OR2AT4: variants seen among roughly 807,000 people sequenced by gnomAD.
OR2AT4 encodes the protein olfactory receptor 2AT4.
OR2AT4 carries 6 observed loss-of-function variants against 10.3 expected under a neutral mutation model. That is an observed-to-expected ratio of 0.58 (90% CI 0.32 to 1.15). OR2AT4 has a LOEUF of 1.15. Among genes scored for constraint, OR2AT4 ranks in the 50% most tolerant of loss-of-function variants. OR2AT4 has a pLI of 0.05. For missense variants in OR2AT4, 354 were observed against 393.8 expected (o/e 0.90, Z 0.85); for synonymous variants, 145 against 159.1 (o/e 0.91, Z 0.67).
At chr11:75,085,458 C>G (rs1949285308) in exon 2 of OR2AT4, 1 of 151,978 alleles carries the variant, frequency 6.6e-6, no homozygotes, top group Non-Finnish European at 1.5e-5. Flanking sequence ...CAATTCTATA[C>G]AATGTTTTTG....
intron 1 of OR2AT4, among the ~76,000 whole-genome samples, chr11:75,090,727 T>C (rs1949317180): frequency 6.6e-6 from 1 of 152,214 alleles, no homozygotes; most frequent in African/African-American, 2.4e-5. Flanking sequence ...CTGTGGGACA[T>C]CTTCTGAATT....
intron 1 of OR2AT4, among the ~76,000 whole-genome samples, 176 bp downstream of exon 1, chr11:75,096,652 G>A (rs567712025): frequency 2.4e-4 from 37 of 152,208 alleles, no homozygotes; most frequent in African/African-American, 7.9e-4. Flanking sequence ...CCCTGCCTGC[G>A]AGGGTGTCTG....
Position 75,089,626 on chromosome 11 carries a change from G to A in OR2AT4, c.88C>T (p.Leu30Phe), listed in dbSNP as rs1565514295. 6.2e-7 allele frequency: 1 copy of A among 1,614,096 alleles called. No homozygotes were observed. Among genetic ancestry groups the A allele is most frequent in the Non-Finnish European group, 8.5e-7 (1 of 1,179,988 alleles). ...AGGAGGAAAATAAAAAACACAGGGA[G>A]GAAGAAGGTCTCTGGCAGAGAGGGG... Residue 30 changes from leucine (L) to phenylalanine (F), a missense_variant, in exon 2 of 2, where the codon CTC becomes TTC. Leu to Phe is a conservative substitution (Grantham distance 22). Coordinates refer to ENST00000641504, the Ensembl canonical transcript of OR2AT4.
At chr11:75,087,427 T>C (rs890963456) in exon 2 of OR2AT4, 1 of 152,184 alleles carries the variant, frequency 6.6e-6, no homozygotes, top group Non-Finnish European at 1.5e-5. Flanking sequence ...TTCATGTTTT[T>C]AAAACTACTC....
At chr11:75,086,758 A>G (rs1056006131) in exon 2 of OR2AT4, 4 of 152,212 alleles carry the variant, frequency 2.6e-5, no homozygotes, top group Admixed American at 2.6e-4. Flanking sequence ...TTGGTGTAGT[A>G]CATTCTATGA....
At chr11:75,086,769 G>T (rs1455245858) in exon 2 of OR2AT4, 2 of 152,156 alleles carry the variant, frequency 1.3e-5, no homozygotes, top group African/African-American at 2.4e-5. Flanking sequence ...CATTCTATGA[G>T]TCTTGACAAA....
exon 2 of OR2AT4, chr11:75,089,026 C>T (rs1398523434): frequency 6.2e-7 from 1 of 1,614,000 alleles, no homozygotes; most frequent in African/African-American, 1.3e-5. Flanking sequence ...ATGCGAAGCA[C>T]TGAGGCCAGG....
At chr11:75,087,825 T>C (rs1949297641) in exon 2 of OR2AT4, 1 of 152,244 alleles carries the variant, frequency 6.6e-6, no homozygotes, top group African/African-American at 2.4e-5. Flanking sequence ...CTTTGAACTA[T>C]GTAAAAATAA....
At chr11:75,091,240 T>C (rs1242957204) in intron 1 of OR2AT4, among the ~76,000 whole-genome samples, 6 of 152,194 alleles carry the variant, frequency 3.9e-5, no homozygotes, top group Non-Finnish European at 8.8e-5. Flanking sequence ...GTGAATCTAA[T>C]ATAAATAATA....
chr11:75,083,741 G>C (rs1423625101), exon 2 of OR2AT4: 1 of 152,220 alleles, frequency 6.6e-6, no homozygotes, highest in Admixed American at 6.5e-5. Flanking sequence ...GGAGGCCGAG[G>C]CTGGTGGATC....
exon 2 of OR2AT4, chr11:75,083,995 G>T (rs545732841): frequency 1.4e-4 from 21 of 152,486 alleles, no homozygotes; most frequent in African/African-American, 4.3e-4. Flanking sequence ...AAAAAAAAAG[G>T]AGAAAATTGG....
At chr11:75,093,810 C>CTTTTTTTTTTTTTTTTTTTTTT (rs556380402) in intron 1 of OR2AT4, among the ~76,000 whole-genome samples, 6 of 61,828 alleles carry the variant, frequency 9.7e-5, no homozygotes, top group Non-Finnish European at 1.4e-4. Context: ...TTTTCTTTTT[C>CTTTTTTTTTTTTTTTTTTTTTT]TTTTTTTTTT....
rs759038976 is a variant in OR2AT4, at chr11:75,089,514, A to AAGAAGTAC, written c.192_199dup (p.Phe67CysfsTer5). The AAGAAGTAC allele has an allele frequency of 1.2e-6, 2 of 1,614,204 alleles. No individual in the cohort carries two copies. The highest frequency in any genetic ancestry group is 3.3e-5 in the Admixed American group (2 of 60,032). On this transcript the variant is annotated frameshift_variant, in exon 2 of 2. Transcript: ENST00000641504. LOFTEE classifies it high-confidence loss of function. ...GTCCAAGGTGGAGAGATTGATCAGAAAGAAGTACATGGGCTTGTGGAGGCT... is the reference window on the plus strand; with the variant it reads ...GTCCAAGGTGGAGAGATTGATCAGAAAGAAGTACAGAAGTACATGGGCTTGTGGAGGCT...
chr11:75,094,855 G>A (rs1282538656), intron 1 of OR2AT4, among the ~76,000 whole-genome samples: 2 of 152,194 alleles, frequency 1.3e-5, no homozygotes, highest in African/African-American at 4.8e-5. Context: ...AAGCAGGAAA[G>A]CAAAACTGCT....
intron 1 of OR2AT4, among the ~76,000 whole-genome samples, chr11:75,092,831 G>A (rs536830855): frequency 1.6e-4 from 24 of 152,174 alleles, no homozygotes; most frequent in Non-Finnish European, 8.8e-5. Context: ...GTCAGGTGCA[G>A]TGGCTCATGC....
intron 1 of OR2AT4, among the ~76,000 whole-genome samples, chr11:75,095,484 A>G (rs1949342459): frequency 6.6e-6 from 1 of 151,936 alleles, no homozygotes; most frequent in Admixed American, 6.6e-5. Context: ...GTCTCTGTCT[A>G]TTTATGTGTC....
At chr11:75,084,653 G>C (rs902950760) in exon 2 of OR2AT4, 1 of 151,994 alleles carries the variant, frequency 6.6e-6, no homozygotes, top group Non-Finnish European at 1.5e-5. Context: ...GAATAGAAAA[G>C]CTTTTTAAAC....
chr11:75,082,367 GTGCAGCACACCAACA>G (rs1949270662), exon 2 of OR2AT4: 1 of 151,996 alleles, frequency 6.6e-6, no homozygotes, highest in Non-Finnish European at 1.5e-5. Flanking sequence ...GAGTTAGTGG[GTGCAGCACACCAACA>G]TGGCACACGT....
exon 2 of OR2AT4, chr11:75,089,095 T>C: frequency 1.9e-6 from 3 of 1,613,822 alleles, no homozygotes; most frequent in Non-Finnish European, 1.7e-6. Flanking sequence ...ACCATGGCGA[T>C]GCAGAAGCCC....
Sources: gnomAD v4.1 joint callset for allele counts (sites outside exome capture counted in the v4.1 genomes callset) on GRCh38, gnomAD v4.1.1 for gene constraint, MANE v1.5 for transcripts, NCBI Gene and HGNC (gene_info 2026-07-23, HGNC 2026-07-21) for gene names.